Variants in FSTL5 observed in about 807,000 individuals in gnomAD.
FSTL5 encodes the protein follistatin like 5.
FSTL5 carries 62 observed loss-of-function variants against 89.1 expected under a neutral mutation model. The observed-to-expected ratio is 0.70, with a 90% confidence interval of 0.57 to 0.86. The LOEUF is 0.86. Ranked by LOEUF, FSTL5 falls within the 40% of genes least tolerant of loss-of-function variation. The pLI, the probability that FSTL5 is intolerant of heterozygous loss-of-function variation, is 0.00. For synonymous variants in FSTL5, 383 were observed against 346.2 expected, an observed-to-expected ratio of 1.11 and a Z score of -1.18; for missense variants, 1,057 against 1,001.6, an observed-to-expected ratio of 1.06 and a Z score of -0.75.
chr4:161,459,967 A>G (rs936218580), intron 13 of FSTL5, among the ~76,000 whole-genome samples: 7 of 151,158 alleles, frequency 4.6e-5, no homozygotes, highest in African/African-American at 1.7e-4. Flanking sequence ...TAATATTTAT[A>G]ATATTTAGCA....
At chr4:161,577,037 G>A (rs1733235234) in intron 8 of FSTL5, among the ~76,000 whole-genome samples, 1 of 152,100 alleles carries the variant, frequency 6.6e-6, no homozygotes, top group African/African-American at 2.4e-5. Context: ...ATTGTTATAG[G>A]AAATCTATAT....
chr4:161,608,450 G>A (rs573305181), intron 7 of FSTL5, among the ~76,000 whole-genome samples: 1 of 152,090 alleles, frequency 6.6e-6, no homozygotes, highest in Middle Eastern at 3.4e-3. Flanking sequence ...CACATGAAAG[G>A]ATTATTTCTT....
chr4:161,716,371 C>G (rs1252548757), intron 6 of FSTL5, among the ~76,000 whole-genome samples: 5 of 152,060 alleles, frequency 3.3e-5, no homozygotes. Context: ...CCAAAGTGGG[C>G]TGATCACTTG....
rs1212643925 is a variant in FSTL5, at chr4:161,646,469, AC to A, written c.894+9858del. On this transcript the variant is annotated intron_variant, in intron 7 of 15. Transcript: ENST00000306100. ...TTTGAAGTATAGTACATATTCTGAAACCTTTTTTATAAGATATAATATTCTC... is the reference window on the plus strand; with the variant it reads ...TTTGAAGTATAGTACATATTCTGAAACTTTTTTATAAGATATAATATTCTC... 3.9e-5 allele frequency among the ~76,000 whole-genome samples: 6 copies of A among 151,904 alleles called. No individual in the cohort carries two copies. In the South Asian group the frequency reaches 8.3e-4, roughly 21 times the overall value.
At chr4:161,598,692 G>A (rs1578955973) in intron 7 of FSTL5, among the ~76,000 whole-genome samples, 1 of 152,022 alleles carries the variant, frequency 6.6e-6, no homozygotes, top group Non-Finnish European at 1.5e-5. Context: ...TCACATGTAT[G>A]ATATGTGACA....
intron 4 of FSTL5, among the ~76,000 whole-genome samples, chr4:161,819,570 T>C (rs766370568): frequency 6.6e-6 from 1 of 152,046 alleles, no homozygotes; most frequent in Non-Finnish European, 1.5e-5. Flanking sequence ...GTGACCTTTT[T>C]CACAGAAGTG....
intron 13 of FSTL5, among the ~76,000 whole-genome samples, chr4:161,476,194 T>G (rs1247503579): frequency 1.3e-4 from 14 of 105,972 alleles, no homozygotes; most frequent in Admixed American, 7.8e-4. Context: ...TTTTTGTTTG[T>G]TTGTTTTTTT....
At chr4:162,122,859 A>G (rs528803131) in intron 1 of FSTL5, among the ~76,000 whole-genome samples, 4 of 152,258 alleles carry the variant, frequency 2.6e-5, no homozygotes, top group African/African-American at 9.6e-5. Flanking sequence ...GTGATGTTTT[A>G]AAAGTTTGAA....
intron 4 of FSTL5, among the ~76,000 whole-genome samples, chr4:161,889,901 C>T (rs1191146156): frequency 1.3e-5 from 2 of 152,214 alleles, no homozygotes; most frequent in East Asian, 1.9e-4. Flanking sequence ...GGTTTATTTA[C>T]AGGAATACAA....
chr4:161,983,253 TTTCCTTTCCGTCTTTTATGAC>T (rs1735874979), intron 3 of FSTL5, among the ~76,000 whole-genome samples: 1 of 152,186 alleles, frequency 6.6e-6, no homozygotes, highest in South Asian at 2.1e-4. Flanking sequence ...GTGTGAAGTG[TTTCCTTTCCGTCTTTTATGAC>T]TTCCACTCAA....
intron 1 of FSTL5, among the ~76,000 whole-genome samples, chr4:162,160,953 C>G (rs1253013926): frequency 2.0e-5 from 3 of 151,826 alleles, no homozygotes; most frequent in Non-Finnish European, 4.4e-5. Flanking sequence ...AAGAAATAAT[C>G]TATCTATAAA....
chr4:161,699,093 G>C (rs1408811208), intron 6 of FSTL5, among the ~76,000 whole-genome samples: 3 of 152,138 alleles, frequency 2.0e-5, no homozygotes, highest in Non-Finnish European at 4.4e-5. Context: ...CCTGCAATTA[G>C]CTAGCTGGGT....
intron 4 of FSTL5, among the ~76,000 whole-genome samples, chr4:161,824,752 G>A (rs993613721): frequency 9.9e-5 from 15 of 152,134 alleles, no homozygotes; most frequent in African/African-American, 2.4e-4. Context: ...CACCATTGGT[G>A]TATAGCAGAG....
intron 3 of FSTL5, among the ~76,000 whole-genome samples, chr4:161,983,183 A>G (rs778992101): frequency 2.0e-5 from 3 of 152,168 alleles, no homozygotes; most frequent in Non-Finnish European, 2.9e-5. Flanking sequence ...ATTCACATCA[A>G]TTATAAGTGG....
intron 2 of FSTL5, among the ~76,000 whole-genome samples, chr4:162,102,152 A>G (rs1731020374): frequency 6.6e-6 from 1 of 152,048 alleles, no homozygotes; most frequent in Admixed American, 6.6e-5. Context: ...AGAAATTGTG[A>G]GAAAAGACAA....
intron 13 of FSTL5, among the ~76,000 whole-genome samples, chr4:161,462,557 G>A (rs1733618238): frequency 6.6e-6 from 1 of 152,102 alleles, no homozygotes; most frequent in Admixed American, 6.6e-5. Flanking sequence ...ACCTTGGGAA[G>A]TTACTAAATT....
intron 15 of FSTL5, among the ~76,000 whole-genome samples, chr4:161,445,102 A>C (rs1006750279): frequency 1.3e-5 from 2 of 152,128 alleles, no homozygotes; most frequent in African/African-American, 4.8e-5. Context: ...GGTAAACTTA[A>C]ACTTGATTTG....
intron 3 of FSTL5, among the ~76,000 whole-genome samples, chr4:161,942,262 G>A (rs1336037792): frequency 6.7e-6 from 1 of 150,184 alleles, no homozygotes; most frequent in African/African-American, 2.4e-5. Flanking sequence ...TAGATGGAAA[G>A]AAATAATAAA....
chr4:162,102,086 G>C (rs1046312680), intron 2 of FSTL5, among the ~76,000 whole-genome samples: 3 of 151,946 alleles, frequency 2.0e-5, no homozygotes, highest in African/African-American at 7.3e-5. Context: ...GCAGATTTAG[G>C]TGTGTTGATT....
Sources: gnomAD v4.1 joint callset for allele counts (sites outside exome capture counted in the v4.1 genomes callset) on GRCh38, gnomAD v4.1.1 for gene constraint, MANE v1.5 for transcripts, NCBI Gene and HGNC (gene_info 2026-07-23, HGNC 2026-07-21) for gene names.